The following WEE1 variants were observed in gnomAD, a reference collection of about 807,000 sequenced individuals.
WEE1 encodes WEE1 G2 checkpoint kinase, also known as wee1-like protein kinase.
A neutral mutation model predicts 68.8 loss-of-function variants in WEE1; 16 were observed. The observed-to-expected ratio is 0.23, with a 90% confidence interval of 0.16 to 0.35. The LOEUF (loss-of-function observed/expected upper bound fraction) is 0.35, where lower values mean the gene tolerates loss of function less well. WEE1 is among the 10% of genes least tolerant of loss of function. The pLI is 1.00. For synonymous variants in WEE1, 349 were observed against 318.7 expected (o/e 1.09, Z -1.01); for missense variants, 651 against 824.1 (o/e 0.79, Z 2.57).
At position 9,574,542 on chromosome 11, in the gene WEE1, G is replaced by C; in HGVS notation, c.576+33G>C. On this transcript the variant is annotated intron_variant, in intron 1 of 10. Transcript: ENST00000450114. This position sits in a 1 kb window ranked among gnomAD's most constrained non-coding sequence, Gnocchi z 4.9. ...CGGCGGGCGCGGGCACCCGGCGGCCGGGGCCGCGGCGCCGGAGGGGCCAGC... is the reference window on the plus strand; with the variant it reads ...CGGCGGGCGCGGGCACCCGGCGGCCCGGGCCGCGGCGCCGGAGGGGCCAGC... 3 of 1,190,928 alleles carry C rather than the reference G, an allele frequency of 2.5e-6. No individual in the cohort carries two copies. The highest frequency in any genetic ancestry group is 3.1e-6 in the Non-Finnish European group (3 of 966,760). 73.8% of individuals were successfully genotyped at this position (1,190,928 alleles called of 1,614,324 possible).
chr11:9,573,880 C>T lies in WEE1; in HGVS notation c.-54C>T. 1 of 1,209,074 alleles carries T rather than the reference C, an allele frequency of 8.3e-7. No individual in the cohort carries two copies. The highest frequency in any genetic ancestry group is 1.0e-6 in the Non-Finnish European group (1 of 971,686). The allele number at this position is 1,209,074 out of a possible 1,614,324, so 74.9% of individuals were successfully genotyped here. ...GACCCGCCCCCAGGCCCGCAGTGTC[C>T]TGGACCCCGCAGGCCTCCGCTCTCC... On this transcript the variant is annotated 5_prime_UTR_variant, in exon 1 of 11. Coordinates refer to ENST00000450114, the MANE Select transcript of WEE1 (RefSeq NM_003390.4).
Position 9,589,194 on chromosome 11 carries a change from A to G in WEE1, c.*592A>G. ...TGCTGTAAACTTGTAGCATTAAACA[A>G]TCATTGTTGTTAATAGGTCTTCTTT... On this transcript the variant is annotated 3_prime_UTR_variant, in exon 11 of 11. Transcript: ENST00000450114. 1.0e-6 allele frequency: 1 copy of G among 985,650 alleles called. No homozygotes were observed. Among genetic ancestry groups the G allele is most frequent in the African/African-American group, 1.7e-5 (1 of 57,290 alleles). The allele number at this position is 985,650 out of a possible 1,614,324, so 61.1% of individuals were successfully genotyped here. A position where few individuals can be genotyped will look rare whatever the true frequency, so the allele number is the denominator to read the frequency against.
At chr11:9,587,070 C>T (rs1176354539) in intron 10 of WEE1, among the ~76,000 whole-genome samples, 1 of 152,200 alleles carries the variant, frequency 6.6e-6, no homozygotes, top group Admixed American at 6.5e-5. Context: ...AAGCTATCCT[C>T]CCGTGTCAGC....
At position 9,588,463 on chromosome 11, in the gene WEE1, C is replaced by T. The variant is rs776395108; in HGVS notation, c.1802C>T (p.Ala601Val). Residue 601 changes from alanine to valine, a missense_variant, in exon 11 of 11, where the codon GCA becomes GTA. Physicochemically the swap from Ala to Val is moderately conservative, Grantham distance 64. Coordinates refer to ENST00000450114, the MANE Select transcript of WEE1 (RefSeq NM_003390.4). ...TTTTATGTCAGAGAACTCAAGAAAG[C>T]ACAGATGGCAAAAGCTGCAGCTGAG... is the stretch of plus-strand genomic sequence containing the variant. ...NSLLQKELKK[A>V]QMAKAAAEER... 1 of 1,592,986 alleles carries T rather than the reference C, an allele frequency of 6.3e-7. No homozygotes were observed.
Position 9,576,039 on chromosome 11 carries a change from T to C in WEE1, c.728T>C (p.Leu243Ser). The C allele has an allele frequency of 6.2e-7, 1 of 1,614,214 alleles. No homozygotes were observed. Among genetic ancestry groups the C allele is most frequent in the Non-Finnish European group, 8.5e-7 (1 of 1,180,028 alleles). ...ATTAATCCTTTTACTCCGGATTCTT[T>C]GTTGCTTCATTCCTCAGGACAGTGT... is the stretch of plus-strand genomic sequence containing the variant. ...VNINPFTPDS[L>S]LLHSSGQCRR... The change falls in exon 2 of 11, where the codon TTG becomes TCG. Residue 243 changes from leucine (L) to serine (S), a missense_variant. Around this residue, in one of 5 missense-constraint regions of WEE1, gnomAD observed 395 missense variants for 378.4 expected, o/e 1.04. Coordinates refer to ENST00000450114, the MANE Select transcript of WEE1 (RefSeq NM_003390.4). This position sits in a 1 kb window ranked among gnomAD's most constrained non-coding sequence, Gnocchi z 4.3.
Position 9,577,264 on chromosome 11 carries a change from GT to G in WEE1, c.1141+2del. On this transcript the variant is annotated splice_donor_variant, in intron 5 of 10. Coordinates refer to ENST00000450114, the MANE Select transcript of WEE1 (RefSeq NM_003390.4). LOFTEE classifies it high-confidence loss of function. ...CTTATACAGAATGAATATTGTAATG[GT>G]GAGTGATGTAATGGTTTTCTTGTGA... is the stretch of plus-strand genomic sequence containing the variant. 1 of 1,611,268 alleles carries G rather than the reference GT, an allele frequency of 6.2e-7. No individual in the cohort carries two copies. Among genetic ancestry groups the G allele is most frequent in the Non-Finnish European group, 8.5e-7 (1 of 1,179,246 alleles).
intron 5 of WEE1, chr11:9,578,682 G>T (rs1271239892): frequency 6.6e-6 from 1 of 151,912 alleles, no homozygotes; most frequent in Non-Finnish European, 1.5e-5. Flanking sequence ...TCTCTTAACA[G>T]AATAGTTCAT....
intron 6 of WEE1, among the ~76,000 whole-genome samples, chr11:9,581,994 G>A (rs1269716071): frequency 6.6e-6 from 1 of 152,224 alleles, no homozygotes; most frequent in Admixed American, 6.5e-5. Flanking sequence ...CTTCCGAGTA[G>A]CCGGGACTAT....
chr11:9,574,071 C>T lies in WEE1; in HGVS notation c.138C>T (p.Gly46=). Residue 46 remains glycine (G), a synonymous_variant, in exon 1 of 11, where the codon GGC becomes GGT. Transcript: ENST00000450114. The surrounding 1 kb of genome is among the most constrained non-coding windows in gnomAD (Gnocchi z 4.9). The part of the protein sequence containing the change: ...EEEEEEEEGS[G]HSTGEDSAFQ... ...AAGAGGAGGAGGAGGAGGGCAGCGGCCACAGCACCGGGGAGGACTCGGCCT... is the reference window on the plus strand; with the variant it reads ...AAGAGGAGGAGGAGGAGGGCAGCGGTCACAGCACCGGGGAGGACTCGGCCT... 3.2e-6 allele frequency: 4 copies of T among 1,245,766 alleles called. No homozygotes were observed. The highest frequency in any genetic ancestry group is 3.2e-5 in the East Asian group (1 of 31,148). The allele number at this position is 1,245,766 out of a possible 1,614,324, so 77.2% of individuals were successfully genotyped here. A position where few individuals can be genotyped will look rare whatever the true frequency, so the allele number is the denominator to read the frequency against.
chr11:9,577,575 A>C (rs572145215), intron 5 of WEE1: 1 of 333,782 alleles, frequency 3.0e-6, no homozygotes, highest in African/African-American at 2.2e-5. Context: ...TGAAGCATAT[A>C]GTATTATGAA....
intron 10 of WEE1, 95 bp downstream of exon 10, chr11:9,586,951 A>ATG: frequency 7.2e-7 from 1 of 1,381,698 alleles, no homozygotes; most frequent in Admixed American, 2.7e-5. Context: ...TCAACAAAGG[A>ATG]TGTAGTGGTT....
chr11:9,588,039 G>T (rs1849721072), intron 10 of WEE1, among the ~76,000 whole-genome samples: 1 of 151,902 alleles, frequency 6.6e-6, no homozygotes, highest in Non-Finnish European at 1.5e-5. Flanking sequence ...TAAAAAGATG[G>T]GGTCTTGCTC....
chr11:9,575,276 G>A (rs564241022), intron 1 of WEE1: 3 of 986,672 alleles, frequency 3.0e-6, no homozygotes, highest in East Asian at 2.3e-4. Context: ...GTACTGCGCA[G>A]ATGACCACTT....
At position 9,576,560 on chromosome 11, in the gene WEE1, C is replaced by T; in HGVS notation, c.920C>T (p.Ser307Phe). ...TTTCATGAGCTAGAGAAAATCGGCT[C>T]TGGAGAATTTGGTTCTGTATTTAAG... ...TEFHELEKIG[S>F]GEFGSVFKCV... Residue 307 changes from serine (S) to phenylalanine (F), a missense_variant, in exon 4 of 11, where the codon TCT (serine) becomes TTT (phenylalanine). This residue lies in a region of WEE1 where 41 missense variants were observed against 125.6 expected (regional missense o/e 0.33). Coordinates refer to ENST00000450114, the MANE Select transcript of WEE1 (RefSeq NM_003390.4). This position sits in a 1 kb window ranked among gnomAD's most constrained non-coding sequence, Gnocchi z 4.3. 2 of 1,613,996 alleles carry T rather than the reference C, an allele frequency of 1.2e-6. No homozygotes were observed. The highest frequency in any genetic ancestry group is 1.7e-6 in the Non-Finnish European group (2 of 1,179,952).
At chr11:9,575,553 T>C (rs1849556613) in intron 1 of WEE1, 1 of 356,696 alleles carries the variant, frequency 2.8e-6, no homozygotes. Flanking sequence ...GGAGATTTTA[T>C]GGGGCTCTCG....
rs1849702246 is a variant in WEE1, at chr11:9,586,577, G to A, written c.1599G>A (p.Arg533=). ...AAATCAGACAGGGTAGATTACCTCG[G>A]ATACCACAAGTGCTTTCCCAAGAAT... ...WHEIRQGRLP[R]IPQVLSQEFT... is the part of the protein sequence containing the mutation. The change falls in exon 9 of 11, where the codon CGG becomes CGA. Residue 533 remains arginine (R), a synonymous_variant. Transcript: ENST00000450114. The A allele has an allele frequency of 6.2e-7, 1 of 1,614,022 alleles. No homozygotes were observed. Among genetic ancestry groups the A allele is most frequent in the African/African-American group, 1.3e-5 (1 of 74,922 alleles).
chr11:9,587,105 G>A (rs1222074093), intron 10 of WEE1, among the ~76,000 whole-genome samples: 1 of 152,092 alleles, frequency 6.6e-6, no homozygotes, highest in East Asian at 1.9e-4. Context: ...AGCCACAGAT[G>A]CATGCCACAA....
chr11:9,580,897 T>C (rs911974123), intron 5 of WEE1: 1 of 152,262 alleles, frequency 6.6e-6, no homozygotes, highest in African/African-American at 2.4e-5. Context: ...AAAGAATACA[T>C]AGACCTGAGC....
chr11:9,586,788 T>C lies in WEE1; in HGVS notation c.1719T>C (p.Ser573=). 2 of 1,614,084 alleles carry C rather than the reference T, an allele frequency of 1.2e-6. No individual in the cohort carries two copies. The highest frequency in any genetic ancestry group is 1.7e-6 in the Non-Finnish European group (2 of 1,179,998). ...AGCATTCAGTATTGCTGTCCGCTTCTAGAAAGAGTGCAGAACAATTACGAA... is the reference window on the plus strand; with the variant it reads ...AGCATTCAGTATTGCTGTCCGCTTCCAGAAAGAGTGCAGAACAATTACGAA... ...LVKHSVLLSA[S]RKSAEQLRIE... is the part of the protein sequence containing the mutation. The change falls in exon 10 of 11, where the codon TCT becomes TCC. Residue 573 remains serine (S), a synonymous_variant. Transcript: ENST00000450114.
Sources: gnomAD v4.1 joint callset for allele counts (sites outside exome capture counted in the v4.1 genomes callset) on GRCh38, gnomAD v4.1.1 for gene constraint, gnomAD v4.1.1 regional missense constraint, Gnocchi (gnomAD v3.1) non-coding constraint, MANE v1.5 for transcripts, NCBI Gene and HGNC (gene_info 2026-07-23, HGNC 2026-07-21) for gene names.